Variants in GALNT1 observed in about 807,000 individuals in gnomAD.
The protein encoded by GALNT1 is polypeptide N-acetylgalactosaminyltransferase 1.
A neutral mutation model predicts 65.7 loss-of-function variants in GALNT1; 17 were observed. The ratio of observed to expected loss-of-function variants is 0.26; its 90% CI spans 0.18 to 0.39. The LOEUF is 0.39. Among genes scored for constraint, GALNT1 ranks in the 10% least tolerant of loss-of-function variants. The pLI is 1.00. For synonymous variants in GALNT1, 210 were observed against 219.7 expected, an observed-to-expected ratio of 0.96 and a Z score of 0.39; for missense variants, 460 against 672.8, an observed-to-expected ratio of 0.68 and a Z score of 3.50.
chr18:35,646,068 C>T (rs1033841821), intron 1 of GALNT1, among the ~76,000 whole-genome samples: 44 of 152,238 alleles, frequency 2.9e-4, no homozygotes, highest in African/African-American at 9.9e-4. Context: ...CACAGTTCCA[C>T]GGGCTTACCA....
Position 35,683,506 on chromosome 18 carries a change from G to A in GALNT1, c.597G>A (p.Val199=), listed in dbSNP as rs144666262. Residue 199 remains valine, a synonymous_variant, in exon 5 of 12, where the codon GTG becomes GTA. Transcript: ENST00000269195. The part of the protein sequence containing the change: ...LIRARLKGAA[V]SKGQVITFLD... ...GAGCTAGATTAAAAGGAGCTGCTGT[G>A]TCTAAAGGCCAAGTGATCACCTTCC... 1.9e-5 allele frequency: 30 copies of A among 1,613,770 alleles called. No homozygotes were observed. The highest frequency in any genetic ancestry group is 2.4e-5 in the Non-Finnish European group (28 of 1,179,876).
chr18:35,692,427 T>C, intron 9 of GALNT1, 107 bp downstream of exon 9: 1 of 623,386 alleles, frequency 1.6e-6, no homozygotes, highest in Non-Finnish European at 2.5e-6. Context: ...TACCTTCATG[T>C]TAACATTTAA....
At chr18:35,667,732 A>G (rs1209878980) in intron 3 of GALNT1, among the ~76,000 whole-genome samples, 1 of 151,970 alleles carries the variant, frequency 6.6e-6, no homozygotes, top group Non-Finnish European at 1.5e-5. Context: ...CTCAGCCTAC[A>G]TTTTGCTGAC....
intron 3 of GALNT1, among the ~76,000 whole-genome samples, chr18:35,675,202 C>T (rs552268431): frequency 3.3e-5 from 5 of 152,198 alleles, no homozygotes; most frequent in African/African-American, 1.2e-4. Flanking sequence ...AGCTAGAATG[C>T]TAAAGGGCTC....
chr18:35,598,311 A>C (rs1239888977), intron 1 of GALNT1, among the ~76,000 whole-genome samples: 1 of 151,982 alleles, frequency 6.6e-6, no homozygotes, highest in African/African-American at 2.4e-5. Flanking sequence ...TTGGGATTAC[A>C]GGCGTGAGCC....
At chr18:35,629,860 A>G (rs2046980306) in intron 1 of GALNT1, among the ~76,000 whole-genome samples, 1 of 152,240 alleles carries the variant, frequency 6.6e-6, no homozygotes, top group Non-Finnish European at 1.5e-5. Context: ...GGATGGAGGA[A>G]GATCCACCAA....
intron 5 of GALNT1, among the ~76,000 whole-genome samples, chr18:35,685,677 T>TTGTCAATTGTGTA (rs1240349505): frequency 6.6e-6 from 1 of 152,224 alleles, no homozygotes; most frequent in East Asian, 1.9e-4. Context: ...AAAAGCATTG[T>TTGTCAATTGTGTA]TGTCAATTGT....
intron 9 of GALNT1, among the ~76,000 whole-genome samples, chr18:35,699,462 C>G (rs1183807760): frequency 2.6e-5 from 4 of 152,098 alleles, no homozygotes; most frequent in Non-Finnish European, 5.9e-5. Context: ...TTTTCTCTTT[C>G]CAGGATAGTC....
chr18:35,602,562 T>C (rs2046595317), intron 1 of GALNT1, among the ~76,000 whole-genome samples: 1 of 152,178 alleles, frequency 6.6e-6, no homozygotes, highest in African/African-American at 2.4e-5. Context: ...TTCTTTTTTT[T>C]CCTCTTCTGA....
At chr18:35,661,852 C>T (rs1229288721) in intron 2 of GALNT1, among the ~76,000 whole-genome samples, 1 of 151,984 alleles carries the variant, frequency 6.6e-6, no homozygotes, top group Non-Finnish European at 1.5e-5. Flanking sequence ...AGCATGAAAA[C>T]GTTTCTATTT....
chr18:35,593,429 T>G (rs1359153438), intron 1 of GALNT1, among the ~76,000 whole-genome samples: 1 of 152,004 alleles, frequency 6.6e-6, no homozygotes, highest in Admixed American at 6.6e-5. Flanking sequence ...AGGAGGAGAT[T>G]GTAGCTTGCA....
chr18:35,654,761 A>G lies in GALNT1; in HGVS notation c.99A>G (p.Lys33=), dbSNP rs1222290212. Residue 33 remains lysine, a synonymous_variant, in exon 2 of 12, where the codon AAA becomes AAG. Transcript: ENST00000269195. ...TGCTTTACTTCAGTGAATGCAACAA[A>G]TGTGATGAAAAAAAGGAGAGAGGAC... is the stretch of plus-strand genomic sequence containing the variant. ...FLLLYFSECN[K]CDEKKERGLP... 4 of 1,569,232 alleles carry G rather than the reference A, an allele frequency of 2.5e-6. No individual in the cohort carries two copies. Among genetic ancestry groups the G allele is most frequent in the African/African-American group, 1.4e-5 (1 of 73,330 alleles).
At chr18:35,628,328 G>C (rs764084495) in intron 1 of GALNT1, among the ~76,000 whole-genome samples, 3 of 152,196 alleles carry the variant, frequency 2.0e-5, no homozygotes, top group Non-Finnish European at 4.4e-5. Flanking sequence ...AGTAGGGGCA[G>C]ACTGACACTT....
At chr18:35,609,706 G>T (rs1201671047) in intron 1 of GALNT1, among the ~76,000 whole-genome samples, 1 of 152,102 alleles carries the variant, frequency 6.6e-6, no homozygotes, top group East Asian at 1.9e-4. Flanking sequence ...AAGCATTTGG[G>T]AGAAAACAGT....
At chr18:35,644,757 G>C (rs1398275632) in intron 1 of GALNT1, among the ~76,000 whole-genome samples, 7 of 152,268 alleles carry the variant, frequency 4.6e-5, no homozygotes, top group African/African-American at 1.7e-4. Flanking sequence ...TTGGGAGGCT[G>C]AGGCGGGCGT....
At chr18:35,698,627 A>T (rs1005595479) in intron 9 of GALNT1, among the ~76,000 whole-genome samples, 2 of 152,212 alleles carry the variant, frequency 1.3e-5, no homozygotes, top group African/African-American at 4.8e-5. Context: ...AGACATTTCC[A>T]TCATCTCAGA....
chr18:35,700,197 G>T (rs1160446943), intron 9 of GALNT1, among the ~76,000 whole-genome samples: 1 of 152,160 alleles, frequency 6.6e-6, no homozygotes, highest in Non-Finnish European at 1.5e-5. Context: ...ATATTCTCTA[G>T]CCAGGCGGTA....
chr18:35,608,860 A>G (rs1328210580), intron 1 of GALNT1, among the ~76,000 whole-genome samples: 1 of 152,216 alleles, frequency 6.6e-6, no homozygotes, highest in Non-Finnish European at 1.5e-5. Context: ...AGACACGGGA[A>G]ATAACTAAGC....
At chr18:35,700,736 G>A (rs957005245) in intron 9 of GALNT1, among the ~76,000 whole-genome samples, 1 of 152,170 alleles carries the variant, frequency 6.6e-6, no homozygotes, top group African/African-American at 2.4e-5. Context: ...TCCTGCCTCG[G>A]CCTCCCAAAG....
Sources: allele counts gnomAD v4.1 joint callset (sites outside exome capture counted in the v4.1 genomes callset), GRCh38; gene constraint gnomAD v4.1.1; transcripts MANE v1.5; gene names NCBI Gene and HGNC (gene_info 2026-07-23, HGNC 2026-07-21).